Variants in TBC1D4 observed in about 807,000 individuals in gnomAD.
TBC1D4 encodes the protein TBC1 domain family member 4.
Under a neutral mutation model 142.5 loss-of-function variants are expected in TBC1D4, and 121 were observed. That is an observed-to-expected ratio of 0.85 (90% CI 0.73 to 0.99). The LOEUF is 0.99. Among genes scored for constraint, TBC1D4 ranks in the 50% least tolerant of loss-of-function variants. The probability of loss-of-function intolerance (pLI) is 0.00; values close to 1 mark genes in which losing one functional copy is unlikely to be tolerated. For synonymous variants in TBC1D4, 630 were observed against 628.2 expected (o/e 1.00, Z -0.04); for missense variants, 1,475 against 1,606.6 (o/e 0.92, Z 1.40).
intron 15 of TBC1D4, 52 bp downstream of exon 15, chr13:75,306,261 T>C: frequency 3.6e-6 from 5 of 1,372,594 alleles, no homozygotes; most frequent in Non-Finnish European, 4.9e-6. Context: ...AAAAAAAAAA[T>C]CCCCCAGGCT....
chr13:75,410,173 C>T (rs1885571548), intron 1 of TBC1D4, among the ~76,000 whole-genome samples: 2 of 152,264 alleles, frequency 1.3e-5, no homozygotes, highest in Non-Finnish European at 2.9e-5. Context: ...CCTATAATTA[C>T]TATGTTTGAT....
rs137869057 is a variant in TBC1D4 at position 75,306,125 on chromosome 13, G to T, written c.2752+188C>A. Among the ~76,000 whole-genome samples the T allele has an allele frequency of 2.1e-3, 316 of 152,164 alleles. 4 individuals are homozygous for T. The Middle Eastern group carries it at 0.027, about 13-fold the overall frequency. ...AACACCACCACCATGCTGAAAATAGGTTTGTGCTACCTCCTCAGAGACAGT... is the reference window on the plus strand; with the variant it reads ...AACACCACCACCATGCTGAAAATAGTTTTGTGCTACCTCCTCAGAGACAGT... On this transcript the variant is annotated intron_variant, in intron 15 of 20. Transcript: ENST00000377636.
chr13:75,463,117 C>T (rs556273752), intron 1 of TBC1D4, among the ~76,000 whole-genome samples: 1 of 152,114 alleles, frequency 6.6e-6, no homozygotes, highest in East Asian at 1.9e-4. Flanking sequence ...CATTTGGTAA[C>T]TGTTAACGCA....
intron 1 of TBC1D4, among the ~76,000 whole-genome samples, chr13:75,433,885 A>T (rs1365410671): frequency 6.6e-6 from 1 of 152,194 alleles, no homozygotes; most frequent in Non-Finnish European, 1.5e-5. Flanking sequence ...AAAGACATAC[A>T]TGTGGCCAAC....
chr13:75,439,312 T>C (rs900366842), intron 1 of TBC1D4, among the ~76,000 whole-genome samples: 1 of 152,224 alleles, frequency 6.6e-6, no homozygotes, highest in Non-Finnish European at 1.5e-5. Context: ...AGTGTTGTGA[T>C]AAAATTCATA....
At chr13:75,341,078 T>C (rs757786494) in intron 7 of TBC1D4, 47 bp downstream of exon 7, 1 of 1,560,204 alleles carries the variant, frequency 6.4e-7, no homozygotes, top group Non-Finnish European at 8.8e-7. Flanking sequence ...ATTAACAAAA[T>C]TATTAAACAA....
chr13:75,417,930 C>T (rs769536368), intron 1 of TBC1D4, among the ~76,000 whole-genome samples: 2 of 152,212 alleles, frequency 1.3e-5, no homozygotes, highest in South Asian at 2.1e-4. Context: ...CATTTGTCAA[C>T]GTGGTAATGA....
At chr13:75,320,637 A>AAAACAGT (rs773278231) in intron 11 of TBC1D4, among the ~76,000 whole-genome samples, 20 of 152,080 alleles carry the variant, frequency 1.3e-4, no homozygotes, top group Non-Finnish European at 2.4e-4. Flanking sequence ...CAGCCTGCTT[A>AAAACAGT]AAAATAGTAA....
At chr13:75,406,151 T>C (rs1250469806) in intron 1 of TBC1D4, among the ~76,000 whole-genome samples, 1 of 152,218 alleles carries the variant, frequency 6.6e-6, no homozygotes, top group Admixed American at 6.5e-5. Context: ...CATGTTTCTT[T>C]GTTTTTTAAC....
At chr13:75,294,800 G>A in intron 18 of TBC1D4, 54 bp downstream of exon 18, 2 of 1,583,388 alleles carry the variant, frequency 1.3e-6, no homozygotes, top group South Asian at 1.1e-5. Flanking sequence ...AGAAGTAGAA[G>A]TATAGTCCTT....
intron 1 of TBC1D4, among the ~76,000 whole-genome samples, chr13:75,395,342 A>G (rs1884731349): frequency 6.6e-6 from 1 of 152,228 alleles, no homozygotes; most frequent in South Asian, 2.1e-4. Context: ...TTCAAACTAG[A>G]AGGCCCTTTT....
chr13:75,481,473 C>A lies in TBC1D4; in HGVS notation c.295G>T (p.Ala99Ser). Residue 99 changes from alanine to serine, a missense_variant, in exon 1 of 21, where the codon GCT becomes TCT. By Grantham distance (99) the Ala-to-Ser change is moderately conservative. Coordinates refer to ENST00000377636, the MANE Select transcript of TBC1D4 (RefSeq NM_014832.5). Reference sequence around the variant, plus strand: ...GGACTAGTGCCCCCCGAGGCCCCAGCGCCCGGCGCGGGGACGCAACGCAGG... The same window carrying A: ...GGACTAGTGCCCCCCGAGGCCCCAGAGCCCGGCGCGGGGACGCAACGCAGG... ...PFLRCVPAPG[A>S]GASGGTSPSA... 1 of 1,613,402 alleles carries A rather than the reference C, an allele frequency of 6.2e-7. No individual in the cohort carries two copies. Among genetic ancestry groups the A allele is most frequent in the African/African-American group, 1.3e-5 (1 of 75,030 alleles).
At chr13:75,292,341 G>T in intron 18 of TBC1D4, 70 bp from the exon 19 acceptor site, 9 of 1,335,518 alleles carry the variant, frequency 6.7e-6, no homozygotes, top group South Asian at 1.3e-5. Context: ...CGCTATTTGT[G>T]CTAAAGGTTT....
chr13:75,421,404 G>C (rs1225983591), intron 1 of TBC1D4, among the ~76,000 whole-genome samples: 1 of 152,160 alleles, frequency 6.6e-6, no homozygotes, highest in Non-Finnish European at 1.5e-5. Flanking sequence ...TTGAAGACAG[G>C]CATTAGGTCA....
At chr13:75,424,840 C>T (rs1402195140) in intron 1 of TBC1D4, among the ~76,000 whole-genome samples, 1 of 152,204 alleles carries the variant, frequency 6.6e-6, no homozygotes, top group East Asian at 1.9e-4. Context: ...ACCCTTATCT[C>T]GCACCATATA....
chr13:75,386,131 A>G (rs1884152653), intron 1 of TBC1D4, among the ~76,000 whole-genome samples: 1 of 152,236 alleles, frequency 6.6e-6, no homozygotes, highest in South Asian at 2.1e-4. Context: ...ATTAATGAAT[A>G]TCAATATCTA....
chr13:75,310,260 A>C, intron 13 of TBC1D4, 109 bp from the exon 14 acceptor site: 1 of 1,134,852 alleles, frequency 8.8e-7, no homozygotes, highest in Non-Finnish European at 1.3e-6. Context: ...AAATGTCACA[A>C]AGCCGCTTTC....
At chr13:75,417,386 T>C (rs751249032) in intron 1 of TBC1D4, among the ~76,000 whole-genome samples, 1 of 152,120 alleles carries the variant, frequency 6.6e-6, no homozygotes, top group Non-Finnish European at 1.5e-5. Context: ...GGAGTAACAC[T>C]GCCCTTTGGA....
At chr13:75,402,597 C>T (rs1473186656) in intron 1 of TBC1D4, among the ~76,000 whole-genome samples, 1 of 151,472 alleles carries the variant, frequency 6.6e-6, no homozygotes, top group Non-Finnish European at 1.5e-5. Context: ...TTACTTGGTA[C>T]ATACACTTTT....
Sources: gnomAD v4.1 joint callset for allele counts (sites outside exome capture counted in the v4.1 genomes callset) on GRCh38, gnomAD v4.1.1 for gene constraint, MANE v1.5 for transcripts, NCBI Gene and HGNC (gene_info 2026-07-23, HGNC 2026-07-21) for gene names.